The following MYT1L variants were observed in gnomAD, a reference collection of about 807,000 sequenced individuals.
MYT1L encodes myelin transcription factor 1-like protein.
A neutral mutation model predicts 126.7 loss-of-function variants in MYT1L; 12 were observed. The ratio of observed to expected loss-of-function variants is 0.09; its 90% CI spans 0.06 to 0.15. MYT1L has a LOEUF of 0.15. MYT1L is among the 10% of genes least tolerant of loss of function. The probability of loss-of-function intolerance (pLI) is 1.00; values close to 1 mark genes in which losing one functional copy is unlikely to be tolerated. For missense variants in MYT1L, 979 were observed against 1,585.2 expected, an observed-to-expected ratio of 0.62 and a Z score of 6.49; for synonymous variants, 541 against 604.2, an observed-to-expected ratio of 0.90 and a Z score of 1.53.
At chr2:1,838,775 C>A (rs1459517617) in intron 21 of MYT1L, among the ~76,000 whole-genome samples, 1 of 152,190 alleles carries the variant, frequency 6.6e-6, no homozygotes, top group East Asian at 1.9e-4. Flanking sequence ...GTGCCAAATG[C>A]CATCCTCTTT....
At chr2:1,826,984 A>T (rs1383468209) in intron 21 of MYT1L, 1 of 152,054 alleles carries the variant, frequency 6.6e-6, no homozygotes, top group Non-Finnish European at 1.5e-5. Flanking sequence ...CCTGGCGAGG[A>T]TCTCACTTTA....
At chr2:2,299,712 T>A (rs1222962293) in intron 1 of MYT1L, among the ~76,000 whole-genome samples, 1 of 152,216 alleles carries the variant, frequency 6.6e-6, no homozygotes, top group Non-Finnish European at 1.5e-5. Context: ...TCAGCTCTGC[T>A]TAGTGCTGAC....
intron 1 of MYT1L, among the ~76,000 whole-genome samples, chr2:2,316,906 G>A (rs903702692): frequency 6.6e-6 from 1 of 151,810 alleles, no homozygotes; most frequent in African/African-American, 2.4e-5. Flanking sequence ...CGCCTCCAGG[G>A]TTCCAGCAAT....
intron 2 of MYT1L, among the ~76,000 whole-genome samples, chr2:2,207,866 AC>A (rs1247912463): frequency 2.0e-5 from 3 of 152,202 alleles, no homozygotes; most frequent in African/African-American, 7.2e-5. Context: ...CCATCGAAGC[AC>A]CTACACCAGG....
intron 3 of MYT1L, among the ~76,000 whole-genome samples, chr2:2,128,557 T>TA (rs1316262497): frequency 6.6e-6 from 1 of 152,286 alleles, no homozygotes; most frequent in East Asian, 1.9e-4. Flanking sequence ...TGGTGAAAGG[T>TA]AGAGTTGGTG....
At chr2:1,914,923 C>T (rs982465093) in intron 11 of MYT1L, among the ~76,000 whole-genome samples, 1 of 152,242 alleles carries the variant, frequency 6.6e-6, no homozygotes, top group Non-Finnish European at 1.5e-5. Context: ...GCCTCTCACA[C>T]AGGACAGCTG....
chr2:2,237,624 C>G (rs2094350659), intron 2 of MYT1L, among the ~76,000 whole-genome samples: 1 of 152,202 alleles, frequency 6.6e-6, no homozygotes, highest in African/African-American at 2.4e-5. Context: ...AGGAAGCCTC[C>G]CTTCAGAATG....
chr2:2,000,554 G>A (rs1361218901), intron 4 of MYT1L, among the ~76,000 whole-genome samples: 4 of 152,154 alleles, frequency 2.6e-5, no homozygotes, highest in African/African-American at 4.8e-5. Flanking sequence ...CACAGGGTGG[G>A]TGTGGTGTGT....
At chr2:1,804,401 C>T (rs1258351245) in intron 22 of MYT1L, among the ~76,000 whole-genome samples, 3 of 152,098 alleles carry the variant, frequency 2.0e-5, no homozygotes, top group South Asian at 2.1e-4. Context: ...GGATTACAGG[C>T]GTGAGCCACC....
At chr2:2,077,109 G>T (rs2075310711) in intron 3 of MYT1L, among the ~76,000 whole-genome samples, 1 of 151,850 alleles carries the variant, frequency 6.6e-6, no homozygotes, top group African/African-American at 2.4e-5. Flanking sequence ...TAAGAACAAA[G>T]AATCCAAAAC....
chr2:1,996,121 A>C (rs112646338), intron 5 of MYT1L, among the ~76,000 whole-genome samples: 91 of 152,318 alleles, frequency 6.0e-4, no homozygotes, highest in African/African-American at 2.1e-3. Flanking sequence ...TGACCACATA[A>C]GGAAGTGGTT....
intron 21 of MYT1L, among the ~76,000 whole-genome samples, chr2:1,813,850 AC>A (rs2037137782): frequency 9.4e-6 from 1 of 106,034 alleles, no homozygotes; most frequent in Non-Finnish European, 2.0e-5. Flanking sequence ...ACACGGTGAA[AC>A]CCCGTCTGTA....
intron 4 of MYT1L, among the ~76,000 whole-genome samples, chr2:2,010,614 C>G (rs2063732930): frequency 6.6e-6 from 1 of 152,142 alleles, no homozygotes; most frequent in African/African-American, 2.4e-5. Flanking sequence ...CGATCCGACG[C>G]CCTTCTAGGG....
intron 2 of MYT1L, among the ~76,000 whole-genome samples, chr2:2,246,785 T>C (rs761236718): frequency 1.2e-4 from 19 of 152,226 alleles, no homozygotes; most frequent in Non-Finnish European, 2.4e-4. Flanking sequence ...ATTTTATTGA[T>C]CACTTATTGG....
chr2:2,058,799 A>G (rs993447411), intron 3 of MYT1L, among the ~76,000 whole-genome samples: 22 of 152,192 alleles, frequency 1.4e-4, no homozygotes, highest in African/African-American at 5.3e-4. Flanking sequence ...CAGTTCAGGT[A>G]TGATTCTCTT....
At chr2:1,999,820 A>G (rs1558678061) in intron 4 of MYT1L, among the ~76,000 whole-genome samples, 1 of 152,234 alleles carries the variant, frequency 6.6e-6, no homozygotes, top group Non-Finnish European at 1.5e-5. Context: ...ACCCAGAAAC[A>G]TACATATGAC....
intron 23 of MYT1L, among the ~76,000 whole-genome samples, chr2:1,798,044 C>T (rs1265770842): frequency 3.2e-5 from 2 of 62,824 alleles, no homozygotes; most frequent in Non-Finnish European, 3.1e-5. Context: ...GCGGCGGTCT[C>T]CCCCTTCTCC....
rs141307631 is a variant in MYT1L at position 1,797,181 on chromosome 2, C to T, written c.3276+4515G>A. On this transcript the variant is annotated intron_variant, in intron 23 of 24. Transcript: ENST00000647738. ...GGAAACGCAGACCCCACAGGCACCT[C>T]GGCCGTTCTGCTGGTGCTGGGCCAC... 4.3e-3 allele frequency among the ~76,000 whole-genome samples: 660 copies of T among 152,256 alleles called. 9 individuals carry two copies. The highest frequency in any genetic ancestry group is 0.032 in the Admixed American group (484 of 15,310).
chr2:1,903,348 C>T (rs1020127471), intron 13 of MYT1L, 54 bp from the exon 14 acceptor site: 34 of 1,403,762 alleles, frequency 2.4e-5, no homozygotes, highest in African/African-American at 1.9e-4. Flanking sequence ...GCTTTGTACA[C>T]GACGAGCTTC....
Sources: gnomAD v4.1 joint callset for allele counts (sites outside exome capture counted in the v4.1 genomes callset) on GRCh38, gnomAD v4.1.1 for gene constraint, MANE v1.5 for transcripts, NCBI Gene and HGNC (gene_info 2026-07-23, HGNC 2026-07-21) for gene names.